The following PCDHGA5 variants were observed in gnomAD, a reference collection of about 807,000 sequenced individuals.
The protein encoded by PCDHGA5 is protocadherin gamma-A5.
PCDHGA5 carries 36 observed loss-of-function variants against 56.7 expected under a neutral mutation model. The observed-to-expected ratio is 0.64, with a 90% CI of 0.49 to 0.84. The LOEUF (loss-of-function observed/expected upper bound fraction) is 0.84. Among genes scored for constraint, PCDHGA5 ranks in the 40% least tolerant of loss-of-function variants. PCDHGA5 has a pLI of 0.00. For missense variants in PCDHGA5, 1,305 were observed against 1,201.5 expected (o/e 1.09, Z -1.27); for synonymous variants, 563 against 520.2 (o/e 1.08, Z -1.12).
chr5:141,370,932 T>A, intron 1 of PCDHGA5: 1 of 1,613,926 alleles, frequency 6.2e-7, no homozygotes, highest in Admixed American at 1.7e-5. Flanking sequence ...GCACTTCTCT[T>A]TGATTCAGAA....
intron 1 of PCDHGA5, among the ~76,000 whole-genome samples, chr5:141,461,906 C>A (rs2154567542): frequency 6.6e-6 from 1 of 152,270 alleles, no homozygotes; most frequent in South Asian, 2.1e-4. Context: ...TCACTGCAAC[C>A]TCTGCCTCCT....
intron 2 of PCDHGA5, among the ~76,000 whole-genome samples, chr5:141,501,877 A>G (rs1267260445): frequency 1.3e-5 from 2 of 151,690 alleles, no homozygotes; most frequent in East Asian, 3.9e-4. Flanking sequence ...GCCTCCTTAC[A>G]CTCCTGATCA....
chr5:141,473,163 G>T (rs1379230893), intron 1 of PCDHGA5, among the ~76,000 whole-genome samples: 2 of 152,160 alleles, frequency 1.3e-5, no homozygotes, highest in Non-Finnish European at 1.5e-5. Flanking sequence ...GGGCTAGGAA[G>T]GCCCACTGGT....
At chr5:141,430,915 G>A (rs565034370) in intron 1 of PCDHGA5, 2 of 1,607,738 alleles carry the variant, frequency 1.2e-6, no homozygotes, top group East Asian at 4.5e-5. Context: ...CCAGGGACCT[G>A]GGGCTGGAGC....
chr5:141,366,088 C>T lies in PCDHGA5; in HGVS notation c.1758C>T (p.Tyr586=), dbSNP rs752144187. 5 of 1,614,256 alleles carry T rather than the reference C, an allele frequency of 3.1e-6. No homozygotes were observed. The highest frequency in any genetic ancestry group is 4.2e-6 in the Non-Finnish European group (5 of 1,180,052). The change falls in exon 1 of 4, where the codon TAC becomes TAT. Residue 586 remains tyrosine (Y), a synonymous_variant. Transcript: ENST00000518069. ...CGCCTCGCTCCGCAGAACCTGGCTA[C>T]CTGGTGACCAAGGTGGTAGCGGTGG... ...ELAPRSAEPG[Y]LVTKVVAVDK...
chr5:141,370,911 A>C lies in PCDHGA5; in HGVS notation c.2421+4160A>C, dbSNP rs1463962287. On this transcript the variant is annotated intron_variant, in intron 1 of 3. Transcript: ENST00000518069. ...CAATTCGCTGCAGCAGTACTACCTCAGCCCTGATCCGCACTTCTCTTTGAT... is the reference window on the plus strand; with the variant it reads ...CAATTCGCTGCAGCAGTACTACCTCCGCCCTGATCCGCACTTCTCTTTGAT... 3.7e-6 allele frequency: 6 copies of C among 1,613,916 alleles called. No homozygotes were observed. In the Admixed American group the frequency reaches 1.0e-4, roughly 27 times the overall value.
Position 141,485,575 on chromosome 5 carries a change from G to C in PCDHGA5, c.2422-9232G>C, listed in dbSNP as rs1200831125. On this transcript the variant is annotated intron_variant, in intron 1 of 3. Coordinates refer to ENST00000518069, the MANE Select transcript of PCDHGA5 (RefSeq NM_018918.3). This position sits in a 1 kb window ranked among gnomAD's most constrained non-coding sequence, Gnocchi z 5.7. ...TGAATGATCACGCCCCCCGTTTTCC[G>C]CGGCAGCAGCTGGACTTGGAAATTG... 2 of 1,612,496 alleles carry C rather than the reference G, an allele frequency of 1.2e-6. No homozygotes were observed. The highest frequency in any genetic ancestry group is 2.7e-5 in the African/African-American group (2 of 74,918).
Position 141,511,349 on chromosome 5 carries a change from C to T in PCDHGA5, c.*176C>T, listed in dbSNP as rs1463242262. The T allele has an allele frequency of 2.1e-6, 3 of 1,401,380 alleles. No homozygotes were observed. The highest frequency in any genetic ancestry group is 2.9e-5 in the African/African-American group (2 of 68,826). 86.8% of individuals were successfully genotyped at this position (1,401,380 alleles called of 1,614,324 possible). The stretch of plus-strand genomic sequence containing the variant: ...GCCCAGTCAGCACCTACCCCTTCCC[C>T]CCCAGGGGGTTGAATATGCAAAAGC... On this transcript the variant is annotated 3_prime_UTR_variant, in exon 4 of 4. Transcript: ENST00000518069.
intron 1 of PCDHGA5, among the ~76,000 whole-genome samples, chr5:141,425,699 G>A (rs535043616): frequency 6.6e-6 from 1 of 152,260 alleles, no homozygotes; most frequent in Non-Finnish European, 1.5e-5. Context: ...ATTTCATAGT[G>A]GTCAAAATTT....
rs61612330 is a variant in PCDHGA5, at chr5:141,454,796, A to ATTTTTTTTTTTTTTTTTT, written c.2422-39999_2422-39982dup. Reference sequence around the variant, plus strand: ...AAGGAAATAATCCTCCATGGTTCTAATTTTTTTTTTTTTTTTTTTTTTTTT... The same window carrying ATTTTTTTTTTTTTTTTTT: ...AAGGAAATAATCCTCCATGGTTCTAATTTTTTTTTTTTTTTTTTTTTTTTTTTTTTTTTTTTTTTTTTT... On this transcript the variant is annotated intron_variant, in intron 1 of 3. Coordinates refer to ENST00000518069, the MANE Select transcript of PCDHGA5 (RefSeq NM_018918.3). 9.0e-4 allele frequency among the ~76,000 whole-genome samples: 70 copies of ATTTTTTTTTTTTTTTTTT among 77,458 alleles called. 9 individuals carry two copies. Among genetic ancestry groups the ATTTTTTTTTTTTTTTTTT allele is most frequent in the Non-Finnish European group, 1.1e-3 (48 of 42,814 alleles). The allele number at this position is 77,458 out of a possible 152,430, so 50.8% of individuals were successfully genotyped here. A position where few individuals can be genotyped will look rare whatever the true frequency, so the allele number is the denominator to read the frequency against.
rs1768012358 is a variant in PCDHGA5 at position 141,371,760 on chromosome 5, T to G, written c.2421+5009T>G. ...CAACGTTCCCGTTTTCCACCAGGCC[T>G]CCTACACCGTGCATGTAGCTGAGAA... On this transcript the variant is annotated intron_variant, in intron 1 of 3. Coordinates refer to ENST00000518069, the MANE Select transcript of PCDHGA5 (RefSeq NM_018918.3). 3 of 1,613,860 alleles carry G rather than the reference T, an allele frequency of 1.9e-6. No individual in the cohort carries two copies. The South Asian group carries it at 3.3e-5, about 18-fold the overall frequency.
chr5:141,431,225 C>A lies in PCDHGA5; in HGVS notation c.2422-63582C>A. On this transcript the variant is annotated intron_variant, in intron 1 of 3. Coordinates refer to ENST00000518069, the MANE Select transcript of PCDHGA5 (RefSeq NM_018918.3). The surrounding 1 kb of genome is among the most constrained non-coding windows in gnomAD (Gnocchi z 4.8). ...CACTGAGATGCGGTTCCCTCTACCC[C>A]ACGCCTGGGATCCGGATATCGGGAA... The A allele has an allele frequency of 1.2e-6, 2 of 1,614,118 alleles. No individual in the cohort carries two copies. The highest frequency in any genetic ancestry group is 1.7e-6 in the Non-Finnish European group (2 of 1,180,036).
intron 2 of PCDHGA5, among the ~76,000 whole-genome samples, chr5:141,501,719 T>C (rs1024307894): frequency 6.6e-6 from 1 of 152,028 alleles, no homozygotes; most frequent in African/African-American, 2.4e-5. Context: ...AAAAGACAAA[T>C]ATATTACCCA....
chr5:141,415,452 C>T, intron 1 of PCDHGA5: 1 of 1,614,240 alleles, frequency 6.2e-7, no homozygotes, highest in South Asian at 1.1e-5. Flanking sequence ...CCTATTCCCA[C>T]GAGGTCTCTC....
chr5:141,466,039 A>G (rs926979550), intron 1 of PCDHGA5, among the ~76,000 whole-genome samples: 1 of 152,122 alleles, frequency 6.6e-6, no homozygotes, highest in Non-Finnish European at 1.5e-5. Context: ...GGAGAACGGC[A>G]TGAACCCAGG....
chr5:141,433,038 C>A, intron 1 of PCDHGA5: 3 of 1,614,180 alleles, frequency 1.9e-6, no homozygotes, highest in Non-Finnish European at 2.5e-6. Flanking sequence ...GTTTCCCTCA[C>A]CACGGACTCG....
Position 141,487,165 on chromosome 5 carries a change from C to T in PCDHGA5, c.2422-7642C>T, listed in dbSNP as rs1014219030. The T allele has an allele frequency of 1.9e-6, 3 of 1,612,932 alleles. No homozygotes were observed. The highest frequency in any genetic ancestry group is 2.5e-6 in the Non-Finnish European group (3 of 1,178,918). On this transcript the variant is annotated intron_variant, in intron 1 of 3. Coordinates refer to ENST00000518069, the MANE Select transcript of PCDHGA5 (RefSeq NM_018918.3). The surrounding 1 kb of genome is among the most constrained non-coding windows in gnomAD (Gnocchi z 5.0). ...CTACCTCTGTTACTCTCTTAGTGTC[C>T]TTAGAGGAAGACACTCATCCAGTTG...
Position 141,404,163 on chromosome 5 carries a change from T to C in PCDHGA5, c.2421+37412T>C, listed in dbSNP as rs372897104. The C allele has an allele frequency of 4.6e-5, 74 of 1,613,126 alleles. No homozygotes were observed. The South Asian group carries it at 7.9e-4, about 17-fold the overall frequency. ...AATTCAGAAGAAGATTATTACAGATTGTTGACGGCCCAAATTCTTGACCGA... is the reference window on the plus strand; with the variant it reads ...AATTCAGAAGAAGATTATTACAGATCGTTGACGGCCCAAATTCTTGACCGA... On this transcript the variant is annotated intron_variant, in intron 1 of 3. Transcript: ENST00000518069.
intron 1 of PCDHGA5, among the ~76,000 whole-genome samples, chr5:141,425,338 G>A (rs561085111): frequency 6.6e-6 from 1 of 152,290 alleles, no homozygotes; most frequent in African/African-American, 2.4e-5. Flanking sequence ...AAAAGGAAGG[G>A]TTGGCTTTGA....
Sources: gnomAD v4.1 joint callset for allele counts (sites outside exome capture counted in the v4.1 genomes callset) on GRCh38, gnomAD v4.1.1 for gene constraint, Gnocchi (gnomAD v3.1) non-coding constraint, MANE v1.5 for transcripts, NCBI Gene and HGNC (gene_info 2026-07-23, HGNC 2026-07-21) for gene names.